SMAP1: variants seen among roughly 807,000 people sequenced by gnomAD.
The protein encoded by SMAP1 is stromal membrane-associated protein 1.
In SMAP1, 24 loss-of-function variants were observed where a neutral mutation model predicts 58.5. That is an observed-to-expected ratio of 0.41 (90% confidence interval 0.30 to 0.58). The LOEUF is 0.58. Among genes scored for constraint, SMAP1 ranks in the 20% least tolerant of loss-of-function variants. The probability of loss-of-function intolerance (pLI) is 0.29; values close to 1 mark genes in which losing one functional copy is unlikely to be tolerated. For synonymous variants in SMAP1, 216 were observed against 196.6 expected (o/e 1.10, Z -0.82); for missense variants, 563 against 566.3 (o/e 0.99, Z 0.06).
chr6:70,721,437 A>G (rs1768523366), intron 1 of SMAP1, among the ~76,000 whole-genome samples: 1 of 152,216 alleles, frequency 6.6e-6, no homozygotes, highest in South Asian at 2.1e-4. Flanking sequence ...CTTATTGTCT[A>G]TATCGCTATC....
chr6:70,818,070 C>T (rs1769718841), intron 6 of SMAP1, among the ~76,000 whole-genome samples: 1 of 152,086 alleles, frequency 6.6e-6, no homozygotes, highest in Admixed American at 6.6e-5. Flanking sequence ...TCTCCTCTTT[C>T]TAAATTCTAC....
chr6:70,729,665 G>T (rs1053847061), intron 1 of SMAP1, among the ~76,000 whole-genome samples: 11 of 152,034 alleles, frequency 7.2e-5, no homozygotes, highest in African/African-American at 2.7e-4. Flanking sequence ...TTGCATTTTG[G>T]CCTCTACCTT....
intron 2 of SMAP1, among the ~76,000 whole-genome samples, chr6:70,736,594 T>C (rs1765627463): frequency 6.6e-6 from 1 of 152,222 alleles, no homozygotes; most frequent in African/African-American, 2.4e-5. Context: ...ATATTAAGAT[T>C]AGTAGATGTC....
At position 70,861,177 on chromosome 6, in the gene SMAP1, T is replaced by A. The variant is rs17707714; in HGVS notation, c.*843T>A. 0.034 allele frequency: 5,565 copies of A among 163,536 alleles called. 119 individuals carry two copies. The highest frequency in any genetic ancestry group is 0.068 in the South Asian group (366 of 5,416). The allele number at this position is 163,536 out of a possible 1,614,324, so 10.1% of individuals were successfully genotyped here. On this transcript the variant is annotated 3_prime_UTR_variant, in exon 11 of 11. Coordinates refer to ENST00000370455, the MANE Select transcript of SMAP1 (RefSeq NM_001044305.3). ...AACATGACTCCATAGACCTTTTCAT[T>A]TGTGGGTTTTTATTTCCTATGATGT...
chr6:70,737,296 C>T (rs933985732), intron 2 of SMAP1, among the ~76,000 whole-genome samples: 2 of 152,108 alleles, frequency 1.3e-5, no homozygotes, highest in African/African-American at 4.8e-5. Flanking sequence ...CATGAGCCAC[C>T]ATGCCTGGCT....
chr6:70,860,154 A>G, intron 10 of SMAP1, 46 bp from the exon 11 acceptor site: 1 of 1,530,104 alleles, frequency 6.5e-7, no homozygotes, highest in Middle Eastern at 1.8e-4. Context: ...ACAAGAATTA[A>G]AAGTGAAGTA....
At chr6:70,826,552 T>G (rs888025035) in intron 6 of SMAP1, among the ~76,000 whole-genome samples, 1 of 152,084 alleles carries the variant, frequency 6.6e-6, no homozygotes, top group African/African-American at 2.4e-5. Flanking sequence ...TTGCTTGAGC[T>G]TAGGAGTTCA....
chr6:70,712,098 G>T (rs1288505060), intron 1 of SMAP1, among the ~76,000 whole-genome samples: 1 of 152,116 alleles, frequency 6.6e-6, no homozygotes, highest in African/African-American at 2.4e-5. Flanking sequence ...TGTTGAGGAA[G>T]TTTCCTTCTA....
At chr6:70,671,852 T>C (rs575440338) in intron 1 of SMAP1, among the ~76,000 whole-genome samples, 1 of 152,326 alleles carries the variant, frequency 6.6e-6, no homozygotes, top group South Asian at 2.1e-4. Flanking sequence ...TAGACCACAA[T>C]TTATCCGTCT....
At position 70,689,064 on chromosome 6, in the gene SMAP1, A is replaced by G. The variant is rs564712733; in HGVS notation, c.118+20923A>G. ...ACCCAGGCTGGAATGCAGTGGTGCG[A>G]TCTGGGCTCACTGCATACCCTACGT... On this transcript the variant is annotated intron_variant, in intron 1 of 10. Coordinates refer to ENST00000370455, the MANE Select transcript of SMAP1 (RefSeq NM_001044305.3). Among the ~76,000 whole-genome samples the G allele has an allele frequency of 2.0e-5, 3 of 152,064 alleles. No homozygotes were observed. The East Asian group carries it at 5.8e-4, about 29-fold the overall frequency.
intron 10 of SMAP1, chr6:70,859,425 A>T: frequency 1.3e-6 from 2 of 1,523,794 alleles, no homozygotes; most frequent in Non-Finnish European, 1.8e-6. Context: ...AGGTATGAAG[A>T]CGTGATCTGC....
At chr6:70,830,910 G>A (rs899909662) in intron 6 of SMAP1, among the ~76,000 whole-genome samples, 1 of 152,182 alleles carries the variant, frequency 6.6e-6, no homozygotes, top group African/African-American at 2.4e-5. Flanking sequence ...CATGTACACA[G>A]GGTACTGCTG....
intron 6 of SMAP1, among the ~76,000 whole-genome samples, chr6:70,803,433 T>C (rs1374293009): frequency 3.3e-5 from 5 of 152,190 alleles, no homozygotes; most frequent in African/African-American, 4.8e-5. Context: ...TGTTGATCTT[T>C]TCAAAAAACC....
chr6:70,797,196 T>G (rs1768642242), intron 5 of SMAP1, among the ~76,000 whole-genome samples: 1 of 152,200 alleles, frequency 6.6e-6, no homozygotes, highest in South Asian at 2.1e-4. Context: ...GATGTAAATT[T>G]TTCCTTTCCT....
chr6:70,840,905 T>C (rs1770776531), intron 7 of SMAP1, among the ~76,000 whole-genome samples: 1 of 152,212 alleles, frequency 6.6e-6, no homozygotes, highest in Admixed American at 6.5e-5. Flanking sequence ...TATGTTAAAA[T>C]AGAATTAAAA....
chr6:70,821,503 G>A (rs1769890215), intron 6 of SMAP1, among the ~76,000 whole-genome samples: 1 of 152,060 alleles, frequency 6.6e-6, no homozygotes, highest in African/African-American at 2.4e-5. Context: ...TGCTAATCAA[G>A]AGTACAGAAT....
intron 1 of SMAP1, among the ~76,000 whole-genome samples, chr6:70,715,883 G>A (rs185036280): frequency 4.7e-4 from 63 of 135,076 alleles, no homozygotes; most frequent in Middle Eastern, 7.9e-3. Flanking sequence ...TCCCTCACCC[G>A]CTTTCCACCC....
At chr6:70,670,200 A>G (rs1766205891) in intron 1 of SMAP1, among the ~76,000 whole-genome samples, 1 of 152,218 alleles carries the variant, frequency 6.6e-6, no homozygotes, top group Non-Finnish European at 1.5e-5. Flanking sequence ...AGAGAATGGT[A>G]TCAAGAGTAC....
chr6:70,744,244 T>C (rs1224340321), intron 2 of SMAP1, among the ~76,000 whole-genome samples: 1 of 151,924 alleles, frequency 6.6e-6, no homozygotes, highest in Non-Finnish European at 1.5e-5. Flanking sequence ...TACACAGGTA[T>C]ACATGTGCCA....
Sources: allele counts gnomAD v4.1 joint callset (sites outside exome capture counted in the v4.1 genomes callset), GRCh38; gene constraint gnomAD v4.1.1; transcripts MANE v1.5; gene names NCBI Gene and HGNC (gene_info 2026-07-23, HGNC 2026-07-21).